The following DLG1 variants were observed in gnomAD, a reference collection of about 807,000 sequenced individuals.
DLG1 encodes disks large homolog 1.
Under a neutral mutation model 123.4 loss-of-function variants are expected in DLG1, and 42 were observed. The observed-to-expected ratio is 0.34, with a 90% confidence interval of 0.27 to 0.44. The LOEUF is 0.44. Ranked by LOEUF, DLG1 falls within the 20% of genes least tolerant of loss-of-function variation. The probability of loss-of-function intolerance (pLI) is 1.00; values close to 1 mark genes in which losing one functional copy is unlikely to be tolerated. For synonymous variants in DLG1, 317 were observed against 356.2 expected (o/e 0.89, Z 1.24); for missense variants, 942 against 1,082.6 (o/e 0.87, Z 1.82).
intron 18 of DLG1, among the ~76,000 whole-genome samples, chr3:197,075,304 CTT>C (rs1292112900): frequency 9.4e-6 from 1 of 106,946 alleles, no homozygotes; most frequent in Non-Finnish European, 1.8e-5. Context: ...CTTGTGGTAA[CTT>C]ATAACTTTCT....
At chr3:197,244,020 T>C (rs889110391) in intron 4 of DLG1, among the ~76,000 whole-genome samples, 9 of 152,172 alleles carry the variant, frequency 5.9e-5, no homozygotes, top group Admixed American at 2.6e-4. Flanking sequence ...TATCCAGTAA[T>C]AGTCCACCAC....
chr3:197,188,814 A>T (rs997209126), intron 5 of DLG1, among the ~76,000 whole-genome samples: 5 of 152,318 alleles, frequency 3.3e-5, no homozygotes, highest in African/African-American at 1.2e-4. Flanking sequence ...CTGGTTTTTT[A>T]AAAATTAAGA....
chr3:197,069,732 G>C (rs991243984), intron 18 of DLG1: 1 of 152,298 alleles, frequency 6.6e-6, no homozygotes, highest in African/African-American at 2.4e-5. Flanking sequence ...CTTTGCTCCT[G>C]TTTCTGAAGA....
intron 5 of DLG1, among the ~76,000 whole-genome samples, chr3:197,178,234 T>C (rs1340059013): frequency 6.6e-6 from 1 of 152,246 alleles, no homozygotes; most frequent in East Asian, 1.9e-4. Flanking sequence ...TCAGGCAACA[T>C]ATTATTGAAT....
intron 3 of DLG1, among the ~76,000 whole-genome samples, chr3:197,293,115 C>A (rs1775730378): frequency 6.6e-6 from 1 of 152,154 alleles, no homozygotes; most frequent in South Asian, 2.1e-4. Flanking sequence ...AATACAAAAG[C>A]AAGTTTTCAA....
At chr3:197,155,547 G>A (rs189931867) in intron 5 of DLG1, among the ~76,000 whole-genome samples, 159 of 152,062 alleles carry the variant, frequency 1.0e-3, no homozygotes, top group Non-Finnish European at 1.7e-3. Context: ...ACACTAGTTA[G>A]TAATATTGTA....
chr3:197,078,825 A>G (rs187249378), intron 17 of DLG1, among the ~76,000 whole-genome samples: 2 of 152,344 alleles, frequency 1.3e-5, no homozygotes, highest in Admixed American at 1.3e-4. Flanking sequence ...TTTTTATAAA[A>G]GTTTATTCAT....
At chr3:197,084,647 T>G (rs1038574443) in intron 16 of DLG1, among the ~76,000 whole-genome samples, 1 of 152,008 alleles carries the variant, frequency 6.6e-6, no homozygotes, top group Non-Finnish European at 1.5e-5. Context: ...CAATTCCATT[T>G]GAATAAAATC....
At chr3:197,076,072 T>G (rs977225810) in intron 18 of DLG1, among the ~76,000 whole-genome samples, 6 of 152,142 alleles carry the variant, frequency 3.9e-5, no homozygotes, top group African/African-American at 1.4e-4. Context: ...AGAATGAAAG[T>G]TCTAGCATGA....
At position 197,265,982 on chromosome 3, in the gene DLG1, G is replaced by A. The variant is rs112596735; in HGVS notation, c.318+16697C>T. 7.6e-3 allele frequency among the ~76,000 whole-genome samples: 1,164 copies of A among 152,236 alleles called. 11 individuals carry two copies. The highest frequency in any genetic ancestry group is 0.025 in the African/African-American group (1,052 of 41,540). ...GGAGAATCACTTGAACCCAGGAAGC[G>A]GAGGTTGCAGTGAGCCGAGATCATG... On this transcript the variant is annotated intron_variant, in intron 4 of 24. Coordinates refer to ENST00000667157, the MANE Select transcript of DLG1 (RefSeq NM_001366207.1).
intron 4 of DLG1, among the ~76,000 whole-genome samples, chr3:197,258,418 A>T (rs1367452255): frequency 1.1e-5 from 1 of 94,454 alleles, no homozygotes; most frequent in African/African-American, 4.3e-5. Context: ...TGAAGAACAT[A>T]TAGTTATGGG....
chr3:197,175,854 A>C (rs1806740312), intron 5 of DLG1, among the ~76,000 whole-genome samples: 1 of 152,216 alleles, frequency 6.6e-6, no homozygotes, highest in Non-Finnish European at 1.5e-5. Context: ...TTACTTGAAA[A>C]TACAGGAGAA....
At chr3:197,099,328 G>A (rs1762247283) in intron 14 of DLG1, among the ~76,000 whole-genome samples, 1 of 152,186 alleles carries the variant, frequency 6.6e-6, no homozygotes, top group South Asian at 2.1e-4. Flanking sequence ...GCCTCCCGAA[G>A]TGCTAACCAC....
chr3:197,256,941 A>G (rs964147019), intron 4 of DLG1, among the ~76,000 whole-genome samples: 1 of 152,152 alleles, frequency 6.6e-6, no homozygotes, highest in South Asian at 2.1e-4. Context: ...TAACATAATT[A>G]TACTTCAACA....
intron 4 of DLG1, among the ~76,000 whole-genome samples, chr3:197,222,651 C>T (rs1312158767): frequency 1.3e-5 from 2 of 152,144 alleles, no homozygotes; most frequent in African/African-American, 4.8e-5. Context: ...GGCCAAGAAA[C>T]ACAGCTAAGT....
intron 6 of DLG1, among the ~76,000 whole-genome samples, chr3:197,147,978 GT>G (rs773624534): frequency 2.0e-5 from 3 of 151,328 alleles, no homozygotes; most frequent in Non-Finnish European, 2.9e-5. Flanking sequence ...ACTACCAGAG[GT>G]AATAAATGAG....
chr3:197,296,509 T>A (rs534951664), intron 2 of DLG1, 32 bp from the exon 3 acceptor site: 1 of 1,604,702 alleles, frequency 6.2e-7, no homozygotes, highest in Non-Finnish European at 8.5e-7. Context: ...TGATTAAAAC[T>A]CTCTATTTAC....
intron 5 of DLG1, among the ~76,000 whole-genome samples, chr3:197,162,961 G>A (rs1163504974): frequency 6.6e-6 from 1 of 152,026 alleles, no homozygotes; most frequent in Non-Finnish European, 1.5e-5. Context: ...ACCTGATAAG[G>A]GTTTAATATC....
At chr3:197,082,236 G>T (rs545457628) in intron 16 of DLG1, among the ~76,000 whole-genome samples, 2 of 152,170 alleles carry the variant, frequency 1.3e-5, no homozygotes, top group Admixed American at 6.5e-5. Context: ...TGGGCGCAGT[G>T]GCGGGTGCCT....
Sources: gnomAD v4.1 joint callset for allele counts (sites outside exome capture counted in the v4.1 genomes callset) on GRCh38, gnomAD v4.1.1 for gene constraint, MANE v1.5 for transcripts, NCBI Gene and HGNC (gene_info 2026-07-23, HGNC 2026-07-21) for gene names.